The following CEMIP variants were observed in gnomAD, a reference collection of about 807,000 sequenced individuals.
CEMIP encodes the protein cell migration-inducing and hyaluronan-binding protein.
CEMIP carries 105 observed loss-of-function variants against 156.9 expected under a neutral mutation model. That is an observed-to-expected ratio of 0.67 (90% CI 0.57 to 0.79). The LOEUF (loss-of-function observed/expected upper bound fraction) is 0.79. CEMIP is among the 30% of genes least tolerant of loss of function. The pLI, the probability that CEMIP is intolerant of heterozygous loss-of-function variation, is 0.00. For missense variants in CEMIP, 1,457 were observed against 1,769.4 expected (o/e 0.82, Z 3.17); for synonymous variants, 676 against 668.4 (o/e 1.01, Z -0.17).
chr15:80,812,312 A>T (rs1429995833), intron 1 of CEMIP, among the ~76,000 whole-genome samples: 1 of 152,330 alleles, frequency 6.6e-6, no homozygotes, highest in Admixed American at 6.5e-5. Context: ...CTTCATGTCC[A>T]TCTAAGGATA....
At chr15:80,879,692 C>A in intron 4 of CEMIP, 24 bp from the exon 5 acceptor site, 1 of 1,614,090 alleles carries the variant, frequency 6.2e-7, no homozygotes, top group Admixed American at 1.7e-5. Flanking sequence ...GTTATTAAAC[C>A]TCCCCCCAAT....
intron 1 of CEMIP, among the ~76,000 whole-genome samples, chr15:80,871,813 G>T (rs951746587): frequency 1.3e-5 from 2 of 152,082 alleles, no homozygotes; most frequent in African/African-American, 2.4e-5. Flanking sequence ...CTTTTCTATT[G>T]CAAGGAGCAT....
intron 14 of CEMIP, 43 bp from the exon 15 acceptor site, chr15:80,920,051 T>C: frequency 6.3e-7 from 1 of 1,586,096 alleles, no homozygotes; most frequent in Non-Finnish European, 8.7e-7. Context: ...AGCACATGAA[T>C]AACTGGATGC....
chr15:80,885,749 A>G (rs746810576), intron 7 of CEMIP, among the ~76,000 whole-genome samples: 4 of 152,222 alleles, frequency 2.6e-5, no homozygotes, highest in Non-Finnish European at 4.4e-5. Context: ...GGACAATTAA[A>G]TGTGATAATA....
chr15:80,829,965 G>GGGGTGTGTGTGTGTGTGTGTGTGT (rs1555428874), intron 1 of CEMIP, among the ~76,000 whole-genome samples: 1 of 133,710 alleles, frequency 7.5e-6, no homozygotes, highest in African/African-American at 2.9e-5. Flanking sequence ...GGAGGTAGCG[G>GGGGTGTGTGTGTGTGTGTGTGTGT]GTGTGTGTGT....
intron 1 of CEMIP, among the ~76,000 whole-genome samples, chr15:80,787,708 C>A (rs1002877127): frequency 2.0e-5 from 3 of 152,164 alleles, no homozygotes; most frequent in African/African-American, 7.2e-5. Flanking sequence ...CCACAGATGC[C>A]GGTTTCTAAA....
At chr15:80,802,070 A>G (rs1013555194) in intron 1 of CEMIP, among the ~76,000 whole-genome samples, 17 of 152,212 alleles carry the variant, frequency 1.1e-4, no homozygotes, top group African/African-American at 3.9e-4. Context: ...GGACAACTGT[A>G]CTATTGTACT....
In CEMIP at chr15:80,949,323, C is replaced by T. The variant is rs553161581; in HGVS notation, c.*399C>T. The T allele has an allele frequency of 8.8e-6, 3 of 341,736 alleles. No homozygotes were observed. The highest frequency in any genetic ancestry group is 7.4e-5 in the South Asian group (3 of 40,702). The allele number at this position is 341,736 out of a possible 1,614,324, so 21.2% of individuals were successfully genotyped here. The stretch of plus-strand genomic sequence containing the variant: ...CTGGAGGGCTGGTCATTCACAGATC[C>T]CCATGGTCTTCAGCAGACAAGTGAG... On this transcript the variant is annotated 3_prime_UTR_variant, in exon 30 of 30. Coordinates refer to ENST00000394685, the MANE Select transcript of CEMIP (RefSeq NM_001293298.2).
At chr15:80,804,422 GAGAC>G (rs1282303386) in intron 1 of CEMIP, among the ~76,000 whole-genome samples, 3 of 152,210 alleles carry the variant, frequency 2.0e-5, no homozygotes, top group African/African-American at 7.2e-5. Context: ...TCTGGACTAA[GAGAC>G]AGAAGGCCTA....
intron 1 of CEMIP, among the ~76,000 whole-genome samples, chr15:80,833,614 C>G (rs1393586962): frequency 6.6e-6 from 1 of 151,692 alleles, no homozygotes; most frequent in Non-Finnish European, 1.5e-5. Flanking sequence ...GTCAAGATGG[C>G]TCTACCCTCC....
intron 1 of CEMIP, among the ~76,000 whole-genome samples, chr15:80,796,584 T>C (rs771172615): frequency 5.9e-5 from 9 of 152,250 alleles, no homozygotes; most frequent in Non-Finnish European, 1.0e-4. Flanking sequence ...AATACATTTA[T>C]CAGTCTGACC....
intron 5 of CEMIP, among the ~76,000 whole-genome samples, chr15:80,880,320 T>G (rs1898606078): frequency 6.6e-6 from 1 of 152,206 alleles, no homozygotes; most frequent in Non-Finnish European, 1.5e-5. Flanking sequence ...TACAAAACAC[T>G]TAGAACTGAA....
chr15:80,878,840 G>C lies in CEMIP; in HGVS notation c.214G>C (p.Val72Leu), dbSNP rs1318473006. Reference protein sequence around the residue: ...KTLLLTSSATVYSIHISEGGK... With the variant: ...KTLLLTSSATLYSIHISEGGK... ...ACTGCTGCTCACCTCTTCTGCCACG[G>C]TCTATTCCATCCACATCTCAGAGGG... The change falls in exon 4 of 30, where the codon GTC becomes CTC. Residue 72 changes from valine to leucine, a missense_variant. Around this residue, in one of 5 missense-constraint regions of CEMIP, gnomAD observed 309 missense variants for 340.8 expected, o/e 0.91. Transcript: ENST00000394685. The C allele has an allele frequency of 6.2e-7, 1 of 1,614,168 alleles. No homozygotes were observed. The highest frequency in any genetic ancestry group is 1.7e-5 in the Admixed American group (1 of 60,014).
At chr15:80,946,002 T>C (rs1901538015) in intron 28 of CEMIP, among the ~76,000 whole-genome samples, 1 of 152,240 alleles carries the variant, frequency 6.6e-6, no homozygotes, top group Non-Finnish European at 1.5e-5. Flanking sequence ...TTCCCTTTGG[T>C]AGGTCCTCTG....
chr15:80,924,650 AACC>A lies in CEMIP; in HGVS notation c.2236_2238del (p.Thr746del). On this transcript the variant is annotated inframe_deletion, in exon 18 of 30. Transcript: ENST00000394685. ...GCATGATCATAGACAACGGAGTCAAAACCACCGAGGCCTCTGCCAAGGACAAGC... is the reference window on the plus strand; with the variant it reads ...GCATGATCATAGACAACGGAGTCAAAACCGAGGCCTCTGCCAAGGACAAGC... The A allele has an allele frequency of 1.2e-6, 2 of 1,614,022 alleles. No homozygotes were observed. Among genetic ancestry groups the A allele is most frequent in the Non-Finnish European group, 1.7e-6 (2 of 1,180,004 alleles).
chr15:80,904,645 G>A (rs1217329916), intron 12 of CEMIP, among the ~76,000 whole-genome samples: 3 of 152,136 alleles, frequency 2.0e-5, no homozygotes, highest in South Asian at 2.1e-4. Context: ...CAGGGGCAGC[G>A]ACTGGAGTGA....
In CEMIP at chr15:80,838,689, C is replaced by T. The variant is rs537287012; in HGVS notation, c.-175-34849C>T. Among the ~76,000 whole-genome samples the T allele has an allele frequency of 4.6e-5, 7 of 152,254 alleles. No individual in the cohort carries two copies. In the East Asian group the frequency reaches 1.4e-3, roughly 30 times the overall value. On this transcript the variant is annotated intron_variant, in intron 1 of 29. Coordinates refer to ENST00000394685, the MANE Select transcript of CEMIP (RefSeq NM_001293298.2). ...GTCTTTGTATTCCCAAGACCTATCCCAATGCCCTATACTCAGTGGCAACCA... is the reference window on the plus strand; with the variant it reads ...GTCTTTGTATTCCCAAGACCTATCCTAATGCCCTATACTCAGTGGCAACCA...
chr15:80,827,567 C>T (rs1184624235), intron 1 of CEMIP, among the ~76,000 whole-genome samples: 4 of 151,438 alleles, frequency 2.6e-5, no homozygotes, highest in East Asian at 3.9e-4. Flanking sequence ...TGCAGTGAGC[C>T]GAGATCACAC....
At chr15:80,929,298 A>C in intron 21 of CEMIP, 124 bp downstream of exon 21, 1 of 1,210,212 alleles carries the variant, frequency 8.3e-7, no homozygotes, top group South Asian at 1.2e-5. Context: ...AGCCAGAGGA[A>C]TCACTGAGGT....
Sources: gnomAD v4.1 joint callset for allele counts (sites outside exome capture counted in the v4.1 genomes callset) on GRCh38, gnomAD v4.1.1 for gene constraint, gnomAD v4.1.1 regional missense constraint, MANE v1.5 for transcripts, NCBI Gene and HGNC (gene_info 2026-07-23, HGNC 2026-07-21) for gene names.